ABHD18: variants seen among roughly 807,000 people sequenced by gnomAD.
ABHD18 encodes abhydrolase domain containing 18.
Under a neutral mutation model 65.9 loss-of-function variants are expected in ABHD18, and 55 were observed. That is an observed-to-expected ratio of 0.84 (90% confidence interval 0.67 to 1.05). ABHD18 has a LOEUF of 1.05. Ranked by LOEUF, ABHD18 falls within the 50% of genes least tolerant of loss-of-function variation. ABHD18 has a pLI of 0.00. For missense variants in ABHD18, 533 were observed against 558.5 expected (o/e 0.95, Z 0.46); for synonymous variants, 181 against 180.2 (o/e 1.00, Z -0.04).
chr4:128,006,057 G>C (rs1382523684), intron 4 of ABHD18, among the ~76,000 whole-genome samples: 1 of 152,126 alleles, frequency 6.6e-6, no homozygotes, highest in African/African-American at 2.4e-5. Context: ...GCTTGACCCA[G>C]TCAGCTGTGG....
At chr4:127,973,854 C>G (rs1264895178) in intron 1 of ABHD18, among the ~76,000 whole-genome samples, 1 of 142,770 alleles carries the variant, frequency 7.0e-6, no homozygotes, top group Non-Finnish European at 1.5e-5. Context: ...AATTGAAGCT[C>G]ATAGTCCCAC....
chr4:127,971,332 A>G (rs1054673809), intron 1 of ABHD18, among the ~76,000 whole-genome samples: 3 of 151,650 alleles, frequency 2.0e-5, no homozygotes, highest in Non-Finnish European at 4.4e-5. Flanking sequence ...TAATAAATGT[A>G]TGCAAAAGAT....
intron 10 of ABHD18, 73 bp from the exon 11 acceptor site, chr4:128,028,397 TTTCTC>T (rs1324826364): frequency 1.1e-5 from 13 of 1,132,916 alleles, no homozygotes; most frequent in African/African-American, 4.8e-5. Flanking sequence ...ACATTTGTCT[TTTCTC>T]TTTTTTTTTT....
At chr4:128,017,850 C>T (rs1270562161) in intron 8 of ABHD18, among the ~76,000 whole-genome samples, 2 of 152,186 alleles carry the variant, frequency 1.3e-5, no homozygotes, top group Non-Finnish European at 2.9e-5. Flanking sequence ...CCTAGTACCA[C>T]TAACCTATTT....
chr4:127,988,194 A>G (rs1750316451), intron 3 of ABHD18, among the ~76,000 whole-genome samples: 1 of 152,202 alleles, frequency 6.6e-6, no homozygotes, highest in South Asian at 2.1e-4. Flanking sequence ...CATTTGTCCA[A>G]CTGACTACAA....
chr4:128,030,903 G>A (rs1758114002), intron 12 of ABHD18: 2 of 1,217,780 alleles, frequency 1.6e-6, no homozygotes, highest in South Asian at 3.0e-5. Flanking sequence ...ATGCTTTATC[G>A]TGTGGCTTTC....
At chr4:127,999,682 T>TA (rs1320451499) in intron 4 of ABHD18, among the ~76,000 whole-genome samples, 2 of 152,208 alleles carry the variant, frequency 1.3e-5, no homozygotes, top group Non-Finnish European at 2.9e-5. Context: ...AGATTCCGGA[T>TA]ATTAGACCTT....
intron 1 of ABHD18, among the ~76,000 whole-genome samples, chr4:127,979,638 G>T (rs1012905717): frequency 1.3e-5 from 2 of 152,078 alleles, no homozygotes; most frequent in East Asian, 3.9e-4. Context: ...AATGGCGGCC[G>T]GGCGCAGTGG....
intron 1 of ABHD18, among the ~76,000 whole-genome samples, chr4:127,974,869 G>A (rs529145501): frequency 1.8e-4 from 27 of 151,770 alleles, no homozygotes; most frequent in African/African-American, 6.0e-4. Context: ...GGTGGTTGTC[G>A]CCTGTAATCC....
intron 7 of ABHD18, among the ~76,000 whole-genome samples, chr4:128,015,803 G>A (rs1467782321): frequency 6.6e-6 from 1 of 151,972 alleles, no homozygotes; most frequent in Admixed American, 6.6e-5. Context: ...CTTTGGCAAG[G>A]TTTCATTCAA....
At chr4:128,021,314 G>A in intron 10 of ABHD18, 76 bp downstream of exon 10, 1 of 892,934 alleles carries the variant, frequency 1.1e-6, no homozygotes, top group Non-Finnish European at 1.7e-6. Flanking sequence ...GGTTTTTAAA[G>A]AGAATAGCAA....
Position 128,039,331 on chromosome 4 carries a change from A to G in ABHD18, c.*3518A>G, listed in dbSNP as rs1210424008. 6.6e-6 allele frequency: 1 copy of G among 151,916 alleles called. No homozygotes were observed. The highest frequency in any genetic ancestry group is 1.5e-5 in the Non-Finnish European group (1 of 67,990). 9.4% of individuals were successfully genotyped at this position (151,916 alleles called of 1,614,324 possible). A position where few individuals can be genotyped will look rare whatever the true frequency, so the allele number is the denominator to read the frequency against. On this transcript the variant is annotated 3_prime_UTR_variant, in exon 13 of 13. Coordinates refer to ENST00000645843, the MANE Select transcript of ABHD18 (RefSeq NM_001358451.3). Reference sequence around the variant, plus strand: ...CCCACAGTTATTTTATTAGATGTACATAATGTTTCAAAAATGTTTGAATTT... The same window carrying G: ...CCCACAGTTATTTTATTAGATGTACGTAATGTTTCAAAAATGTTTGAATTT...
rs1200943574 is a variant in ABHD18, at chr4:128,030,820, A to T, written c.1343+148A>T. 4.5e-5 allele frequency: 63 copies of T among 1,385,344 alleles called. No individual in the cohort carries two copies. In the East Asian group the frequency reaches 1.5e-3, roughly 33 times the overall value. 85.8% of individuals were successfully genotyped at this position (1,385,344 alleles called of 1,614,324 possible). A position where few individuals can be genotyped will look rare whatever the true frequency, so the allele number is the denominator to read the frequency against. ...CACCTCCCACAAATCTCACAGAGTT[A>T]CTTTTCCCTCTTTCCTAGAATTTGA... On this transcript the variant is annotated intron_variant, in intron 12 of 12. Transcript: ENST00000645843.
At chr4:128,005,587 T>G (rs1753466580) in intron 4 of ABHD18, among the ~76,000 whole-genome samples, 1 of 152,174 alleles carries the variant, frequency 6.6e-6, no homozygotes, top group African/African-American at 2.4e-5. Flanking sequence ...ATTGGCCTCC[T>G]GAGTAGCTGG....
At chr4:128,035,496 C>T (rs1758787439) in intron 12 of ABHD18, among the ~76,000 whole-genome samples, 3 of 151,954 alleles carry the variant, frequency 2.0e-5, no homozygotes, top group Non-Finnish European at 4.4e-5. Flanking sequence ...TCACTTGAAC[C>T]GGGAGGCAGA....
At chr4:127,972,795 T>C (rs1284209846) in intron 1 of ABHD18, among the ~76,000 whole-genome samples, 1 of 152,130 alleles carries the variant, frequency 6.6e-6, no homozygotes, top group Non-Finnish European at 1.5e-5. Flanking sequence ...ACTTACATGA[T>C]TGTAATTGCA....
intron 10 of ABHD18, among the ~76,000 whole-genome samples, chr4:128,021,725 T>C (rs1220843174): frequency 6.7e-6 from 1 of 150,082 alleles, no homozygotes; most frequent in African/African-American, 2.5e-5. Flanking sequence ...AAATATGTGG[T>C]TTACTACATT....
In ABHD18 at chr4:127,989,842, A is replaced by C. The variant is rs191652296; in HGVS notation, c.278+21A>C. The C allele has an allele frequency of 6.2e-4, 858 of 1,377,196 alleles. 7 individuals are homozygous for C. The African/African-American group carries it at 0.011, about 18-fold the overall frequency. 85.3% of individuals were successfully genotyped at this position (1,377,196 alleles called of 1,614,324 possible). On this transcript the variant is annotated intron_variant, in intron 4 of 12. Transcript: ENST00000645843. ...GCAAGGTAAGAATTTTTTTGTTCAA[A>C]AAGATGAATACATTATTTATGTTCA... is the stretch of plus-strand genomic sequence containing the variant.
rs78375638 is a variant in ABHD18, at chr4:127,977,666, A to G, written c.-17-5273A>G. 5.1e-3 allele frequency among the ~76,000 whole-genome samples: 783 copies of G among 152,340 alleles called. 8 individuals carry two copies. The highest frequency in any genetic ancestry group is 0.018 in the African/African-American group (755 of 41,564). On this transcript the variant is annotated intron_variant, in intron 1 of 12. Coordinates refer to ENST00000645843, the MANE Select transcript of ABHD18 (RefSeq NM_001358451.3). ...TTAGAGGAGTGGCATAGTATAGTAG[A>G]AAGATGCATATTGCATTACAAACGA... is the stretch of plus-strand genomic sequence containing the variant.
Sources: gnomAD v4.1 joint callset for allele counts (sites outside exome capture counted in the v4.1 genomes callset) on GRCh38, gnomAD v4.1.1 for gene constraint, MANE v1.5 for transcripts, NCBI Gene and HGNC (gene_info 2026-07-23, HGNC 2026-07-21) for gene names.